The following TOR1AIP1 variants were observed in gnomAD, a reference collection of about 807,000 sequenced individuals.
TOR1AIP1 encodes the protein torsin 1A interacting protein 1.
Under a neutral mutation model 63.3 loss-of-function variants are expected in TOR1AIP1, and 54 were observed. The ratio of observed to expected loss-of-function variants is 0.85; its 90% confidence interval spans 0.69 to 1.07. The LOEUF is 1.07. Ranked by LOEUF, TOR1AIP1 falls within the 50% of genes least tolerant of loss-of-function variation. TOR1AIP1 has a pLI of 0.00. For missense variants in TOR1AIP1, 736 were observed against 715.0 expected (o/e 1.03, Z -0.33); for synonymous variants, 294 against 273.5 (o/e 1.07, Z -0.74).
intron 1 of TOR1AIP1, chr1:179,883,830 C>T: frequency 1.1e-5 from 4 of 363,508 alleles, no homozygotes; most frequent in South Asian, 6.0e-5. Flanking sequence ...CACCCTGCCC[C>T]CCCCATTTTA....
chr1:179,888,305 G>A (rs1057315696), intron 2 of TOR1AIP1, among the ~76,000 whole-genome samples: 6 of 152,134 alleles, frequency 3.9e-5, no homozygotes, highest in African/African-American at 1.4e-4. Context: ...TAAAGAGACA[G>A]GGTCTCACTG....
rs748169407 is a variant in TOR1AIP1 at position 179,882,592 on chromosome 1, C to A, written c.90C>A (p.Gly30=). ...TPRAPIREGR[G]RLAPQNGGSS... The stretch of plus-strand genomic sequence containing the variant: ...GGGCCCCCATCCGAGAGGGAAGGGG[C>A]CGGCTCGCCCCTCAAAATGGCGGCA... Residue 30 remains glycine, a synonymous_variant, in exon 1 of 10, where the codon GGC becomes GGA. Transcript: ENST00000606911. 1.2e-5 allele frequency: 18 copies of A among 1,523,776 alleles called. No homozygotes were observed. The East Asian group carries it at 1.8e-4, about 15-fold the overall frequency. 94.4% of individuals were successfully genotyped at this position (1,523,776 alleles called of 1,614,324 possible). A position where few individuals can be genotyped will look rare whatever the true frequency, so the allele number is the denominator to read the frequency against.
intron 3 of TOR1AIP1, among the ~76,000 whole-genome samples, chr1:179,894,699 A>C (rs935578078): frequency 2.6e-5 from 4 of 151,960 alleles, no homozygotes; most frequent in African/African-American, 4.8e-5. Context: ...AAAAAAAAAG[A>C]AAGGAAGGAA....
intron 8 of TOR1AIP1, 56 bp downstream of exon 8, chr1:179,908,729 T>C: frequency 6.9e-7 from 1 of 1,446,572 alleles, no homozygotes; most frequent in South Asian, 1.2e-5. Flanking sequence ...TATGTTTTTC[T>C]TGACAAAAAT....
At chr1:179,905,795 A>C (rs553433626) in intron 6 of TOR1AIP1, among the ~76,000 whole-genome samples, 7 of 152,274 alleles carry the variant, frequency 4.6e-5, no homozygotes, top group African/African-American at 1.7e-4. Context: ...TCTGCTAAAA[A>C]TACAAAAATT....
At chr1:179,888,384 C>T (rs1179245587) in intron 2 of TOR1AIP1, among the ~76,000 whole-genome samples, 1 of 152,200 alleles carries the variant, frequency 6.6e-6, no homozygotes, top group Admixed American at 6.5e-5. Context: ...TATCATCCTC[C>T]TGCCTTCGCC....
chr1:179,907,860 G>A lies in TOR1AIP1; in HGVS notation c.834G>A (p.Val278=). ...NFTAHDKQPS[V]LSSGYQKTPQ... The stretch of plus-strand genomic sequence containing the variant: ...CAGCTCATGATAAGCAACCTTCAGT[G>A]CTAAGTAAGTAGTTGGTTGTCTGCT... Residue 278 remains valine (V), a synonymous_variant, in exon 7 of 10, where the codon GTG becomes GTA. Transcript: ENST00000606911. The A allele has an allele frequency of 6.4e-7, 1 of 1,572,224 alleles. No homozygotes were observed. The highest frequency in any genetic ancestry group is 8.6e-7 in the Non-Finnish European group (1 of 1,157,790).
Position 179,882,630 on chromosome 1 carries a change from C to G in TOR1AIP1, c.128C>G (p.Pro43Arg). 6.5e-7 allele frequency: 1 copy of G among 1,542,920 alleles called. No homozygotes were observed. The highest frequency in any genetic ancestry group is 1.3e-5 in the South Asian group (1 of 79,246). The stretch of plus-strand genomic sequence containing the variant: ...CAAAATGGCGGCAGCAGCGATGCGC[C>G]TGCGTACAGAACTCCTCCGTCGCGC... ...APQNGGSSDA[P>R]AYRTPPSRQG... Residue 43 changes from proline to arginine, a missense_variant, in exon 1 of 10, where the codon CCT becomes CGT. Physicochemically the swap from Pro to Arg is moderately radical, Grantham distance 103. Transcript: ENST00000606911.
Position 179,882,722 on chromosome 1 carries a change from G to T in TOR1AIP1, c.220G>T (p.Val74Leu). The change falls in exon 1 of 10, where the codon GTG becomes TTG. Residue 74 changes from valine (V) to leucine (L), a missense_variant. Physicochemically the swap from Val to Leu is conservative, Grantham distance 32. This residue lies in a region of TOR1AIP1 where 464 missense variants were observed against 371.0 expected (regional missense o/e 1.25). Coordinates refer to ENST00000606911, the MANE Select transcript of TOR1AIP1 (RefSeq NM_015602.4). Reference protein sequence around the residue: ...PEVYGDFEPLVAKERSPVGKR... With the variant: ...PEVYGDFEPLLAKERSPVGKR... Reference sequence around the variant, plus strand: ...AGTGTACGGCGACTTCGAGCCCCTGGTGGCCAAAGAAAGGTCCCCGGTGGG... The same window carrying T: ...AGTGTACGGCGACTTCGAGCCCCTGTTGGCCAAAGAAAGGTCCCCGGTGGG... 6.2e-7 allele frequency: 1 copy of T among 1,613,870 alleles called. No homozygotes were observed. The highest frequency in any genetic ancestry group is 8.5e-7 in the Non-Finnish European group (1 of 1,179,850).
chr1:179,899,013 T>C (rs1164397605), intron 3 of TOR1AIP1, among the ~76,000 whole-genome samples: 5 of 152,192 alleles, frequency 3.3e-5, no homozygotes, highest in Non-Finnish European at 1.5e-5. Context: ...ACTAGTATTA[T>C]ACTAATCTAA....
intron 3 of TOR1AIP1, among the ~76,000 whole-genome samples, chr1:179,890,093 A>T (rs1648022837): frequency 6.6e-6 from 1 of 152,188 alleles, no homozygotes; most frequent in African/African-American, 2.4e-5. Flanking sequence ...AACTATGGTC[A>T]GGGACTTTAT....
At chr1:179,896,374 G>A (rs564770084) in intron 3 of TOR1AIP1, among the ~76,000 whole-genome samples, 2 of 152,002 alleles carry the variant, frequency 1.3e-5, no homozygotes, top group East Asian at 3.9e-4. Context: ...GCCTCAAAGT[G>A]CTGGGATTAC....
At chr1:179,902,317 C>T (rs1412298371) in intron 5 of TOR1AIP1, among the ~76,000 whole-genome samples, 2 of 151,870 alleles carry the variant, frequency 1.3e-5, no homozygotes, top group Non-Finnish European at 2.9e-5. Flanking sequence ...TGAGCCACGA[C>T]GCCTGACCTG....
rs529315061 is a variant in TOR1AIP1 at position 179,882,301 on chromosome 1, C to A, written c.-202C>A. 2.0e-4 allele frequency: 87 copies of A among 444,322 alleles called. No individual in the cohort carries two copies. Among genetic ancestry groups the A allele is most frequent in the East Asian group, 7.4e-4 (21 of 28,424 alleles). 27.5% of individuals were successfully genotyped at this position (444,322 alleles called of 1,614,324 possible). A position where few individuals can be genotyped will look rare whatever the true frequency, so the allele number is the denominator to read the frequency against. On this transcript the variant is annotated 5_prime_UTR_variant, in exon 1 of 10. Transcript: ENST00000606911. ...AGCTCAGGCACTGCCTCTCTCACAG[C>A]CCTCAAGACACACCATGGGCCCAGA...
chr1:179,914,298 A>G (rs867195525), intron 9 of TOR1AIP1, among the ~76,000 whole-genome samples: 1 of 152,242 alleles, frequency 6.6e-6, no homozygotes, highest in Non-Finnish European at 1.5e-5. Context: ...TAGCTAAAAT[A>G]AGTAAAGCTA....
At chr1:179,908,317 C>G (rs191606250) in intron 7 of TOR1AIP1, among the ~76,000 whole-genome samples, 2 of 152,252 alleles carry the variant, frequency 1.3e-5, no homozygotes, top group Admixed American at 1.3e-4. Flanking sequence ...TTGGTACTAC[C>G]TATAATAATT....
At chr1:179,916,415 A>G (rs763729013) in intron 9 of TOR1AIP1, among the ~76,000 whole-genome samples, 1 of 152,216 alleles carries the variant, frequency 6.6e-6, no homozygotes, top group Non-Finnish European at 1.5e-5. Context: ...TCCCTACTAA[A>G]ATTAATAGCC....
chr1:179,913,365 A>G (rs557282753), intron 8 of TOR1AIP1, among the ~76,000 whole-genome samples: 1 of 152,322 alleles, frequency 6.6e-6, no homozygotes, highest in East Asian at 1.9e-4. Flanking sequence ...CTAAAACAGA[A>G]TTACTTTATT....
At chr1:179,885,835 G>A (rs192596057) in intron 2 of TOR1AIP1, among the ~76,000 whole-genome samples, 1 of 152,188 alleles carries the variant, frequency 6.6e-6, no homozygotes, top group Non-Finnish European at 1.5e-5. Flanking sequence ...CCACCTCCCA[G>A]GTTCAAACAA....
Sources: gnomAD v4.1 joint callset for allele counts (sites outside exome capture counted in the v4.1 genomes callset) on GRCh38, gnomAD v4.1.1 for gene constraint, gnomAD v4.1.1 regional missense constraint, MANE v1.5 for transcripts, NCBI Gene and HGNC (gene_info 2026-07-23, HGNC 2026-07-21) for gene names.